STK32B: variants seen among roughly 807,000 people sequenced by gnomAD.
The protein encoded by STK32B is serine/threonine kinase 32B.
A neutral mutation model predicts 52.6 loss-of-function variants in STK32B; 43 were observed. The ratio of observed to expected loss-of-function variants is 0.82; its 90% CI spans 0.64 to 1.05. The LOEUF (loss-of-function observed/expected upper bound fraction) is 1.05, where lower values mean the gene tolerates loss of function less well. STK32B is among the 50% of genes least tolerant of loss of function. The pLI is 0.00. For synonymous variants in STK32B, 238 were observed against 204.3 expected (o/e 1.17, Z -1.41); for missense variants, 621 against 534.6 (o/e 1.16, Z -1.59).
At chr4:5,080,492 A>G (rs1305678008) in intron 1 of STK32B, among the ~76,000 whole-genome samples, 2 of 152,074 alleles carry the variant, frequency 1.3e-5, no homozygotes, top group Non-Finnish European at 2.9e-5. Context: ...TCAGTTTCTC[A>G]AGGAGTCCCT....
At chr4:5,449,133 G>C (rs1353191743) in intron 7 of STK32B, among the ~76,000 whole-genome samples, 1 of 152,164 alleles carries the variant, frequency 6.6e-6, no homozygotes, top group Non-Finnish European at 1.5e-5. Context: ...CCTGAGGTCG[G>C]AGATCGAAAC....
At chr4:5,486,882 G>T (rs1234662671) in intron 11 of STK32B, among the ~76,000 whole-genome samples, 1 of 152,232 alleles carries the variant, frequency 6.6e-6, no homozygotes, top group African/African-American at 2.4e-5. Context: ...ATTACATATT[G>T]CTCTTTGAGA....
chr4:5,132,125 TA>T (rs2108822473), intron 1 of STK32B, among the ~76,000 whole-genome samples: 1 of 152,346 alleles, frequency 6.6e-6, no homozygotes, highest in South Asian at 2.1e-4. Context: ...TATGGCTGTG[TA>T]GTATTCCTTG....
chr4:5,054,263 C>T (rs528333687), intron 1 of STK32B, among the ~76,000 whole-genome samples: 1 of 152,240 alleles, frequency 6.6e-6, no homozygotes, highest in Non-Finnish European at 1.5e-5. Flanking sequence ...GCAAGTAAAC[C>T]ACCTGGAAAA....
intron 3 of STK32B, among the ~76,000 whole-genome samples, chr4:5,181,572 G>C (rs1352849808): frequency 1.3e-5 from 2 of 152,214 alleles, no homozygotes; most frequent in South Asian, 2.1e-4. Context: ...TGCAGGTTCA[G>C]TATCAGAACA....
At chr4:5,373,464 A>T (rs1405569801) in intron 4 of STK32B, among the ~76,000 whole-genome samples, 1 of 151,746 alleles carries the variant, frequency 6.6e-6, no homozygotes, top group African/African-American at 2.4e-5. Flanking sequence ...GGCAGAAAAA[A>T]CTCCCTTTTT....
At chr4:5,457,458 G>A (rs904240628) in intron 8 of STK32B, among the ~76,000 whole-genome samples, 4 of 151,054 alleles carry the variant, frequency 2.6e-5, no homozygotes, top group Non-Finnish European at 4.4e-5. Context: ...CTTGTGATCC[G>A]CCAGCCTCGG....
chr4:5,205,709 TGTG>T (rs1303630065), intron 3 of STK32B, among the ~76,000 whole-genome samples: 34,812 of 146,630 alleles, frequency 0.24, 5,052 homozygotes, highest in Non-Finnish European at 0.33. Context: ...CGCGCGTGTG[TGTG>T]TGTGTGTGTG....
intron 2 of STK32B, chr4:5,140,234 A>G: frequency 1.4e-6 from 2 of 1,456,682 alleles, no homozygotes; most frequent in South Asian, 1.2e-5. Flanking sequence ...AATCTAAGTG[A>G]GGAAAGTTGA....
intron 3 of STK32B, among the ~76,000 whole-genome samples, chr4:5,283,902 G>T (rs539378371): frequency 2.7e-3 from 410 of 152,212 alleles, no homozygotes; most frequent in African/African-American, 8.6e-3. Flanking sequence ...CAAAAAAAAT[G>T]AAAGTGAAAA....
At chr4:5,490,799 C>T (rs1222393995) in intron 11 of STK32B, among the ~76,000 whole-genome samples, 7 of 152,068 alleles carry the variant, frequency 4.6e-5, no homozygotes, top group African/African-American at 1.7e-4. Context: ...GTTCAATTCC[C>T]AACTACGAGT....
chr4:5,094,008 A>G (rs931594112), intron 1 of STK32B, among the ~76,000 whole-genome samples: 2 of 152,188 alleles, frequency 1.3e-5, no homozygotes, highest in African/African-American at 2.4e-5. Flanking sequence ...AAGAAAATGA[A>G]TCCACGATAA....
At chr4:5,327,107 G>A (rs1731929442) in intron 3 of STK32B, among the ~76,000 whole-genome samples, 1 of 151,984 alleles carries the variant, frequency 6.6e-6, no homozygotes, top group Non-Finnish European at 1.5e-5. Context: ...GTTTTATCGT[G>A]AGATGGCAGC....
At chr4:5,464,848 G>C (rs73794606) in intron 9 of STK32B, among the ~76,000 whole-genome samples, 2,211 of 152,306 alleles carry the variant, frequency 0.015, 49 homozygotes, top group African/African-American at 0.046. Context: ...ACAAGGCAGA[G>C]CCTGCATATT....
intron 1 of STK32B, among the ~76,000 whole-genome samples, chr4:5,076,602 A>G (rs1165400840): frequency 6.6e-6 from 1 of 152,196 alleles, no homozygotes; most frequent in Non-Finnish European, 1.5e-5. Context: ...TAAATACTGC[A>G]TATTCACAAG....
chr4:5,479,712 G>A (rs761093645), intron 11 of STK32B, among the ~76,000 whole-genome samples: 7 of 152,152 alleles, frequency 4.6e-5, no homozygotes, highest in Admixed American at 2.0e-4. Flanking sequence ...GGGTATGCAC[G>A]ATGGAACTGA....
intron 4 of STK32B, among the ~76,000 whole-genome samples, chr4:5,335,558 A>T (rs896345761): frequency 0.022 from 3,275 of 151,354 alleles, 51 homozygotes; most frequent in East Asian, 0.071. Context: ...TTAGTTCTTT[A>T]AATTGTGATG....
intron 4 of STK32B, among the ~76,000 whole-genome samples, chr4:5,372,857 A>G (rs1269882250): frequency 1.3e-5 from 2 of 152,188 alleles, no homozygotes; most frequent in Non-Finnish European, 2.9e-5. Context: ...GTTTTCTGCC[A>G]TGAGCCCAAT....
chr4:5,440,480 C>G (rs1239677695), intron 6 of STK32B, among the ~76,000 whole-genome samples: 1 of 152,134 alleles, frequency 6.6e-6, no homozygotes, highest in Non-Finnish European at 1.5e-5. Context: ...GCTGAAGTTG[C>G]TTATCAGCTT....
Sources: allele counts gnomAD v4.1 joint callset (sites outside exome capture counted in the v4.1 genomes callset), GRCh38; gene constraint gnomAD v4.1.1; transcripts MANE v1.5; gene names NCBI Gene and HGNC (gene_info 2026-07-23, HGNC 2026-07-21).